Variants in TACO1 observed in about 807,000 individuals in gnomAD.
TACO1 encodes translational activator of cytochrome c oxidase I.
TACO1 carries 13 observed loss-of-function variants against 24.0 expected under a neutral mutation model. The ratio of observed to expected loss-of-function variants is 0.54; its 90% CI spans 0.35 to 0.86. The LOEUF is 0.86. Ranked by LOEUF, TACO1 falls within the 40% of genes least tolerant of loss-of-function variation. TACO1 has a pLI of 0.01. For synonymous variants in TACO1, 149 were observed against 153.5 expected, an observed-to-expected ratio of 0.97 and a Z score of 0.22; for missense variants, 352 against 380.1, an observed-to-expected ratio of 0.93 and a Z score of 0.61.
At chr17:63,606,207 T>C in intron 2 of TACO1, 106 bp from the exon 3 acceptor site, 1 of 1,427,594 alleles carries the variant, frequency 7.0e-7, no homozygotes, top group Non-Finnish European at 9.9e-7. Flanking sequence ...GGCTCCAGCC[T>C]AGAGAGCCCA....
At chr17:63,607,125 C>A in intron 3 of TACO1, 162 bp from the exon 4 acceptor site, 1 of 728,846 alleles carries the variant, frequency 1.4e-6, no homozygotes, top group Non-Finnish European at 2.4e-6. Flanking sequence ...TGTTCCCTTA[C>A]CCAGCAGCAG....
At chr17:63,607,114 C>T in intron 3 of TACO1, 173 bp from the exon 4 acceptor site, 5 of 688,440 alleles carry the variant, frequency 7.3e-6, no homozygotes, top group Admixed American at 2.1e-5. Context: ...CATTCTTGGG[C>T]TGTTCCCTTA....
chr17:63,606,521 T>G, intron 3 of TACO1, 81 bp downstream of exon 3: 2 of 1,556,828 alleles, frequency 1.3e-6, no homozygotes, highest in Non-Finnish European at 1.8e-6. Context: ...TGTTGATCTC[T>G]GCTAGTGTTT....
intron 2 of TACO1, 61 bp downstream of exon 2, chr17:63,604,701 G>A: frequency 6.9e-7 from 1 of 1,453,938 alleles, no homozygotes; most frequent in Non-Finnish European, 9.7e-7. Flanking sequence ...ATGTCTGGAT[G>A]GCCAACAAAC....
At chr17:63,603,688 C>A (rs2033839428) in intron 1 of TACO1, among the ~76,000 whole-genome samples, 2 of 151,548 alleles carry the variant, frequency 1.3e-5, no homozygotes, top group Admixed American at 6.6e-5. Context: ...TGCACTCCAG[C>A]ATGGATGACA....
At chr17:63,601,403 C>T (rs777700783) in intron 1 of TACO1, 40 bp downstream of exon 1, 2 of 1,604,174 alleles carry the variant, frequency 1.2e-6, no homozygotes, top group Non-Finnish European at 1.7e-6. Context: ...CTGCCGCTGC[C>T]CTCTCAGTGC....
At chr17:63,605,652 A>G (rs1389464654) in intron 2 of TACO1, among the ~76,000 whole-genome samples, 1 of 152,170 alleles carries the variant, frequency 6.6e-6, no homozygotes, top group South Asian at 2.1e-4. Context: ...GCCATGGTGC[A>G]GAGAAGGTGG....
At chr17:63,603,723 A>AG (rs59056367) in intron 1 of TACO1, among the ~76,000 whole-genome samples, 21,793 of 151,670 alleles carry the variant, frequency 0.14, 5,080 homozygotes, top group African/African-American at 0.49. Context: ...CTCAAAAAAA[A>AG]GGTCTTTTCT....
chr17:63,607,092 C>G (rs982199193), intron 3 of TACO1, 195 bp from the exon 4 acceptor site: 2 of 621,378 alleles, frequency 3.2e-6, no homozygotes, highest in African/African-American at 3.7e-5. Context: ...GGCAGAAAAT[C>G]GAGCGTGGGG....
At chr17:63,606,696 C>T in intron 3 of TACO1, 1 of 480,654 alleles carries the variant, frequency 2.1e-6, no homozygotes, top group South Asian at 2.1e-5. Flanking sequence ...AAGATACCCA[C>T]AGCCATGCCC....
rs759254294 is a variant in TACO1 at position 63,601,175 on chromosome 17, AC to A, written c.97del (p.Arg33GlyfsTer54). 3.2e-5 allele frequency: 49 copies of A among 1,547,066 alleles called. No homozygotes were observed. Among genetic ancestry groups the A allele is most frequent in the Non-Finnish European group, 3.7e-5 (42 of 1,146,740 alleles). On this transcript the variant is annotated frameshift_variant, in exon 1 of 5. Transcript: ENST00000258975. LOFTEE classifies it high-confidence loss of function. ...GPGVRAAPPR[D>X]PRPSHPEPRG... ...GGGGTCAGGGCGGCTCCTCCGCGCG[AC>A]CCCCGGCCCTCCCACCCCGAGCCCC...
chr17:63,607,832 G>T lies in TACO1; in HGVS notation c.724G>T (p.Val242Leu), dbSNP rs143402883. 1.5e-5 allele frequency: 25 copies of T among 1,614,020 alleles called. No individual in the cohort carries two copies. The highest frequency in any genetic ancestry group is 1.9e-5 in the Non-Finnish European group (23 of 1,180,048). The change falls in exon 5 of 5, where the codon GTG becomes TTG. Residue 242 changes from valine (V) to leucine (L), a missense_variant. Physicochemically the swap from Val to Leu is conservative, Grantham distance 32. Coordinates refer to ENST00000258975, the MANE Select transcript of TACO1 (RefSeq NM_016360.4). ...TTGTGATGCCTCTTCACTGCACCAA[G>T]TGAGGAAGAAGCTGGACTCCCTGGG... ...FICDASSLHQ[V>L]RKKLDSLGLC...
intron 4 of TACO1, 113 bp from the exon 5 acceptor site, chr17:63,607,689 G>T: frequency 1.8e-6 from 2 of 1,113,734 alleles, no homozygotes; most frequent in South Asian, 2.5e-5. Context: ...CCAGTGAAGA[G>T]CTCAAACCCA....
chr17:63,604,605 C>A lies in TACO1; in HGVS notation c.352C>A (p.Pro118Thr). ...ILEVCRSKHMPKSTIETALKM... is the reference protein window; with the variant it reads ...ILEVCRSKHMTKSTIETALKM... ...AGAGGTGTGTCGCAGCAAACATATG[C>A]CCAAGTCAACGATTGAGACAGCACT... Residue 118 changes from proline (P) to threonine (T), a missense_variant, in exon 2 of 5, where the codon CCC becomes ACC. Physicochemically the swap from Pro to Thr is conservative, Grantham distance 38. Transcript: ENST00000258975. 6.2e-7 allele frequency: 1 copy of A among 1,614,090 alleles called. No homozygotes were observed. Among genetic ancestry groups the A allele is most frequent in the Non-Finnish European group, 8.5e-7 (1 of 1,180,018 alleles).
intron 3 of TACO1, 184 bp downstream of exon 3, chr17:63,606,624 C>T (rs2033864483): frequency 1.5e-6 from 1 of 668,564 alleles, no homozygotes; most frequent in East Asian, 2.9e-5. Flanking sequence ...TGGCTCACTG[C>T]AACCTCTGCT....
intron 2 of TACO1, among the ~76,000 whole-genome samples, 182 bp from the exon 3 acceptor site, chr17:63,606,131 G>A (rs756160133): frequency 2.6e-5 from 4 of 152,140 alleles, no homozygotes; most frequent in Admixed American, 6.5e-5. Context: ...CAAGTTAGGG[G>A]TAGTACTTCC....
In TACO1 at chr17:63,606,381, A is replaced by G. The variant is rs2143034198; in HGVS notation, c.456A>G (p.Ala152=). ...GPGGSSLLIE[A]LSNSSHKCQA... ...GTGGCTCTTCTCTGCTCATCGAGGC[A>G]TTATCTAACAGTAGCCACAAGTGCC... Residue 152 remains alanine (A), a synonymous_variant, in exon 3 of 5, where the codon GCA becomes GCG. Transcript: ENST00000258975. 1.2e-6 allele frequency: 2 copies of G among 1,614,176 alleles called. No individual in the cohort carries two copies. Among genetic ancestry groups the G allele is most frequent in the Non-Finnish European group, 1.7e-6 (2 of 1,180,020 alleles).
chr17:63,605,483 G>A (rs779084219), intron 2 of TACO1, among the ~76,000 whole-genome samples: 2 of 152,174 alleles, frequency 1.3e-5, no homozygotes, highest in Admixed American at 6.5e-5. Flanking sequence ...CTCTATGTGT[G>A]TTATCTCATC....
chr17:63,607,679 C>A, intron 4 of TACO1, 123 bp from the exon 5 acceptor site: 1 of 1,035,462 alleles, frequency 9.7e-7, no homozygotes, highest in Non-Finnish European at 1.5e-6. Context: ...GATGTCCCTG[C>A]CAGTGAAGAG....
Sources: gnomAD v4.1 joint callset for allele counts (sites outside exome capture counted in the v4.1 genomes callset) on GRCh38, gnomAD v4.1.1 for gene constraint, MANE v1.5 for transcripts, NCBI Gene and HGNC (gene_info 2026-07-23, HGNC 2026-07-21) for gene names.